VTI1A: variants seen among roughly 807,000 people sequenced by gnomAD.
VTI1A encodes vesicle transport through interaction with t-SNAREs 1A.
In VTI1A, 22 loss-of-function variants were observed where a neutral mutation model predicts 34.9. The observed-to-expected ratio is 0.63, with a 90% CI of 0.45 to 0.90. The LOEUF is 0.90. Among genes scored for constraint, VTI1A ranks in the 40% least tolerant of loss-of-function variants. The pLI, the probability that VTI1A is intolerant of heterozygous loss-of-function variation, is 0.00. For synonymous variants in VTI1A, 87 were observed against 97.3 expected, an observed-to-expected ratio of 0.89 and a Z score of 0.62; for missense variants, 268 against 275.6, an observed-to-expected ratio of 0.97 and a Z score of 0.20.
intron 5 of VTI1A, among the ~76,000 whole-genome samples, chr10:112,540,848 T>C (rs573656286): frequency 6.6e-6 from 1 of 152,306 alleles, no homozygotes; most frequent in African/African-American, 2.4e-5. Context: ...TTAAAGACTA[T>C]GGAATGCAAG....
At chr10:112,633,421 T>C (rs185069578) in intron 5 of VTI1A, among the ~76,000 whole-genome samples, 42 of 152,308 alleles carry the variant, frequency 2.8e-4, no homozygotes, top group African/African-American at 9.6e-4. Flanking sequence ...GCTGCTTTTT[T>C]CCTTCAAGTA....
rs768159688 is a variant in VTI1A at position 112,656,521 on chromosome 10, ATT to A, written c.428-11675_428-11674del. ...TACAGGAGCATACCACACCCAGATA[ATT>A]TTTTTTTTTTTTTTTTTTTTTGAGA... On this transcript the variant is annotated intron_variant, in intron 5 of 7. Transcript: ENST00000393077. Among the ~76,000 whole-genome samples the A allele has an allele frequency of 5.7e-3, 583 of 103,152 alleles. 1 individual carries two copies. The highest frequency in any genetic ancestry group is 0.02 in the African/African-American group (551 of 27,528). The allele number at this position is 103,152 out of a possible 152,430, so 67.7% of individuals were successfully genotyped here.
chr10:112,566,534 C>A (rs536192738), intron 5 of VTI1A, among the ~76,000 whole-genome samples: 2 of 152,236 alleles, frequency 1.3e-5, no homozygotes, highest in East Asian at 3.9e-4. Context: ...GGGACTATTT[C>A]TTTGCGAAAA....
chr10:112,632,473 G>A (rs1564857755), intron 5 of VTI1A, among the ~76,000 whole-genome samples: 2 of 152,120 alleles, frequency 1.3e-5, no homozygotes, highest in African/African-American at 4.8e-5. Flanking sequence ...CACAACAAAG[G>A]TTTCTTTTTT....
At chr10:112,568,461 C>T (rs761810422) in intron 5 of VTI1A, among the ~76,000 whole-genome samples, 25 of 151,850 alleles carry the variant, frequency 1.6e-4, no homozygotes, top group Non-Finnish European at 3.2e-4. Flanking sequence ...GAGCTGAGAT[C>T]GCGCCACTGC....
chr10:112,526,561 A>G (rs1850231668), intron 3 of VTI1A, among the ~76,000 whole-genome samples: 1 of 152,184 alleles, frequency 6.6e-6, no homozygotes, highest in South Asian at 2.1e-4. Flanking sequence ...CTTTCTGGTT[A>G]GTAGCATCAC....
At chr10:112,693,602 C>T (rs1437689881) in intron 7 of VTI1A, among the ~76,000 whole-genome samples, 2 of 152,272 alleles carry the variant, frequency 1.3e-5, no homozygotes, top group African/African-American at 2.4e-5. Flanking sequence ...ACACAAGGCT[C>T]AAGGCACCTT....
At chr10:112,600,372 T>C (rs1235065605) in intron 5 of VTI1A, among the ~76,000 whole-genome samples, 1 of 152,208 alleles carries the variant, frequency 6.6e-6, no homozygotes, top group Non-Finnish European at 1.5e-5. Context: ...ATCTCGTCTT[T>C]AACGTGGTCC....
chr10:112,850,576 T>C, the VTI1A span, among the ~76,000 whole-genome samples: 7 of 152,156 alleles, frequency 4.6e-5, no homozygotes, highest in African/African-American at 1.7e-4. Context: ...GTGAAGTTAA[T>C]GAAACTTAAG....
intron 7 of VTI1A, among the ~76,000 whole-genome samples, chr10:112,687,387 C>A (rs1295967898): frequency 1.3e-5 from 2 of 151,502 alleles, no homozygotes; most frequent in African/African-American, 2.4e-5. Context: ...GCTCCCACCA[C>A]CACGCCCGGC....
chr10:112,772,765 C>A (rs1281142403), intron 7 of VTI1A, among the ~76,000 whole-genome samples: 1 of 152,192 alleles, frequency 6.6e-6, no homozygotes. Flanking sequence ...TGGATATCTA[C>A]TTGTACAGCC....
chr10:112,785,028 G>GC (rs772595888), intron 7 of VTI1A, among the ~76,000 whole-genome samples: 2 of 152,142 alleles, frequency 1.3e-5, no homozygotes, highest in Non-Finnish European at 2.9e-5. Context: ...AGATCCCTTG[G>GC]CCCCCGTTGG....
chr10:112,623,896 G>A (rs777746487), intron 5 of VTI1A, among the ~76,000 whole-genome samples: 1 of 152,200 alleles, frequency 6.6e-6, no homozygotes, highest in Non-Finnish European at 1.5e-5. Context: ...TACTTAGGGA[G>A]GAGAGAACTG....
chr10:112,763,183 G>A (rs1273758717), intron 7 of VTI1A, among the ~76,000 whole-genome samples: 2 of 152,110 alleles, frequency 1.3e-5, no homozygotes, highest in Non-Finnish European at 1.5e-5. Flanking sequence ...CCAAAGGCCT[G>A]TAATCCCAGC....
chr10:112,458,310 A>G (rs1425148996), intron 1 of VTI1A, among the ~76,000 whole-genome samples: 2 of 152,138 alleles, frequency 1.3e-5, no homozygotes, highest in Non-Finnish European at 2.9e-5. Flanking sequence ...CTTATTTTGT[A>G]TTTTTCTCTA....
Position 112,611,378 on chromosome 10 carries a change from ATTAGAAG to A in VTI1A, c.428-56837_428-56831del, listed in dbSNP as rs568943723. 5.6e-3 allele frequency among the ~76,000 whole-genome samples: 846 copies of A among 152,326 alleles called. 5 individuals carry two copies. Among genetic ancestry groups the A allele is most frequent in the Non-Finnish European group, 9.7e-3 (659 of 68,032 alleles). On this transcript the variant is annotated intron_variant, in intron 5 of 7. Transcript: ENST00000393077. ...GTAACTTGGAAGGACTTTTGGAAGG[ATTAGAAG>A]TTCTGATTGATTGTCCATGCTTCCA...
intron 3 of VTI1A, among the ~76,000 whole-genome samples, chr10:112,499,397 T>C (rs1350998254): frequency 1.3e-5 from 2 of 152,232 alleles, no homozygotes; most frequent in Non-Finnish European, 2.9e-5. Context: ...GCTTTCATCT[T>C]AATGTTTGCA....
At chr10:112,508,355 G>A (rs758954943) in intron 3 of VTI1A, among the ~76,000 whole-genome samples, 32 of 152,168 alleles carry the variant, frequency 2.1e-4, no homozygotes, top group Non-Finnish European at 4.0e-4. Context: ...AGTGGCTTGT[G>A]CATGATCTCA....
Position 112,768,117 on chromosome 10 carries a change from G to A in VTI1A, c.561-47173G>A, listed in dbSNP as rs77514691. ...TCCACTTCCGATTTTGACCTTCAGT[G>A]GTTTGCAGCTCCCTGCAGATATTGG... On this transcript the variant is annotated intron_variant, in intron 7 of 7. Coordinates refer to ENST00000393077, the MANE Select transcript of VTI1A (RefSeq NM_145206.4). 6.5e-3 allele frequency among the ~76,000 whole-genome samples: 984 copies of A among 152,284 alleles called. 13 individuals are homozygous for A. The highest frequency in any genetic ancestry group is 0.023 in the African/African-American group (949 of 41,558).
Sources: allele counts gnomAD v4.1 joint callset (sites outside exome capture counted in the v4.1 genomes callset), GRCh38; gene constraint gnomAD v4.1.1; transcripts MANE v1.5; gene names NCBI Gene and HGNC (gene_info 2026-07-23, HGNC 2026-07-21).